NLRC3: variants seen among roughly 807,000 people sequenced by gnomAD.
NLRC3 encodes NLR family CARD domain-containing protein 3.
NLRC3 carries 87 observed loss-of-function variants against 91.6 expected under a neutral mutation model. The ratio of observed to expected loss-of-function variants is 0.95; its 90% CI spans 0.80 to 1.14. NLRC3 has a LOEUF of 1.14. Among genes scored for constraint, NLRC3 ranks in the 50% most tolerant of loss-of-function variants. The probability of loss-of-function intolerance (pLI) is 0.00; values close to 1 mark genes in which losing one functional copy is unlikely to be tolerated. For synonymous variants in NLRC3, 694 were observed against 625.3 expected (o/e 1.11, Z -1.64); for missense variants, 1,577 against 1,418.6 (o/e 1.11, Z -1.79).
At chr16:3,543,117 C>T (rs564491478) in intron 17 of NLRC3, 4 of 486,058 alleles carry the variant, frequency 8.2e-6, no homozygotes, top group South Asian at 4.7e-5. Context: ...CATGCCTGAG[C>T]CTCAGAGCTG....
chr16:3,541,838 G>A lies in NLRC3; in HGVS notation c.3185C>T (p.Thr1062Ile). ...CGTCCACCAGGATCACATTTCAACA[G>A]TGCACGTGGGAGCATTTGTCTTGAT... The part of the protein sequence containing the change: ...EAIKTNAPTC[T>I]VEM Residue 1062 changes from threonine (T) to isoleucine (I), a missense_variant, in exon 20 of 20, where the codon ACT (threonine) becomes ATT (isoleucine). Transcript: ENST00000359128. The A allele has an allele frequency of 6.2e-7, 1 of 1,609,170 alleles. No homozygotes were observed. Among genetic ancestry groups the A allele is most frequent in the Non-Finnish European group, 8.5e-7 (1 of 1,175,976 alleles).
At chr16:3,542,413 T>G (rs576356036) in intron 18 of NLRC3, 139 bp from the exon 19 acceptor site, 4 of 678,526 alleles carry the variant, frequency 5.9e-6, no homozygotes, top group African/African-American at 3.5e-5. Context: ...CAGGTGGGAG[T>G]TGACCCTGGA....
chr16:3,558,239 G>A (rs977762699), intron 6 of NLRC3, among the ~76,000 whole-genome samples: 2 of 152,130 alleles, frequency 1.3e-5, no homozygotes, highest in East Asian at 1.9e-4. Flanking sequence ...GGAGGCTGAG[G>A]AGGGAGGATT....
chr16:3,565,141 C>G (rs141152332), intron 3 of NLRC3, 81 bp from the exon 4 acceptor site: 5 of 1,082,388 alleles, frequency 4.6e-6, no homozygotes, highest in Non-Finnish European at 6.8e-6. Flanking sequence ...TCCCCAGGAA[C>G]GGGGTCAGGG....
Position 3,563,925 on chromosome 16 carries a change from C to T in NLRC3, c.1012G>A (p.Ala338Thr), listed in dbSNP as rs1435527129. The T allele has an allele frequency of 6.3e-6, 10 of 1,593,224 alleles. No homozygotes were observed. The Admixed American group carries it at 6.9e-5, about 11-fold the overall frequency. ...VPAFCRLTGMALGHLWRSRTG... is the reference protein window; with the variant it reads ...VPAFCRLTGMTLGHLWRSRTG... ...CTGCTGCGCCACAGGTGGCCTAGCG[C>T]CATCCCCGTGAGCCTGCAGAAGGCT... Residue 338 changes from alanine (A) to threonine (T), a missense_variant, in exon 5 of 20, where the codon GCG (alanine) becomes ACG (threonine). Ala to Thr is a moderately conservative substitution (Grantham distance 58). Coordinates refer to ENST00000359128, the MANE Select transcript of NLRC3 (RefSeq NM_178844.4).
At chr16:3,570,115 C>T (rs1380023973) in intron 1 of NLRC3, among the ~76,000 whole-genome samples, 10 of 152,118 alleles carry the variant, frequency 6.6e-5, no homozygotes, top group African/African-American at 2.4e-4. Flanking sequence ...CAATTCCTCA[C>T]TGACACCAGT....
rs1430532915 is a variant in NLRC3 at position 3,563,292 on chromosome 16, G to A, written c.1645C>T (p.Leu549Phe). 2 of 1,602,876 alleles carry A rather than the reference G, an allele frequency of 1.2e-6. No homozygotes were observed. The highest frequency in any genetic ancestry group is 1.3e-5 in the African/African-American group (1 of 74,816). Residue 549 changes from leucine to phenylalanine, a missense_variant, in exon 5 of 20, where the codon CTC becomes TTC. By Grantham distance (22) the Leu-to-Phe change is conservative. Transcript: ENST00000359128. Reference protein sequence around the residue: ...HQAYRTQVAELLQGCLRPDAA... With the variant: ...HQAYRTQVAEFLQGCLRPDAA... ...TCGGGGCGCAGGCAGCCCTGCAGGA[G>A]CTCAGCCACCTGGGTCCGGTAGGCC...
chr16:3,543,519 G>C lies in NLRC3; in HGVS notation c.2856-11C>G. ...GAGGCCACCTGGAGACTGGGGCGGA[G>C]AGGGTGCCGTCAGTGTGAGCCGGCT... On this transcript the variant is annotated splice_polypyrimidine_tract_variant and intron_variant, in intron 16 of 19. Transcript: ENST00000359128. The C allele has an allele frequency of 6.2e-7, 1 of 1,607,952 alleles. No individual in the cohort carries two copies. The highest frequency in any genetic ancestry group is 1.1e-5 in the South Asian group (1 of 90,560).
rs569963309 is a variant in NLRC3 at position 3,568,190 on chromosome 16, A to AT, written c.-168-867dup. ...ATAAAAGAAGCTTAGCAATAAGTAA[A>AT]TAGTAAAGTAAAAATAAGTAAAACA... On this transcript the variant is annotated intron_variant, in intron 1 of 19. Coordinates refer to ENST00000359128, the MANE Select transcript of NLRC3 (RefSeq NM_178844.4). Among the ~76,000 whole-genome samples the AT allele has an allele frequency of 1.7e-3, 259 of 152,302 alleles. 2 individuals carry two copies. Among genetic ancestry groups the AT allele is most frequent in the African/African-American group, 6.0e-3 (249 of 41,556 alleles).
At chr16:3,555,215 G>C (rs909981750) in intron 8 of NLRC3, among the ~76,000 whole-genome samples, 1 of 138,064 alleles carries the variant, frequency 7.2e-6, no homozygotes, top group Non-Finnish European at 1.5e-5. Context: ...GGGTGACAGA[G>C]TCAGACTCCG....
At position 3,550,461 on chromosome 16, in the gene NLRC3, C is replaced by T; in HGVS notation, c.2388G>A (p.Lys796=). The T allele has an allele frequency of 6.2e-7, 1 of 1,613,624 alleles. No homozygotes were observed. The highest frequency in any genetic ancestry group is 1.1e-5 in the South Asian group (1 of 91,080). The change falls in exon 11 of 20, where the codon AAG becomes AAA. Residue 796 remains lysine (K), a synonymous_variant. Transcript: ENST00000359128. ...TCACCTTCAGGGCCTCAGCCAGGGCCTTGGCACCTCCATCACCAATACTAT... is the reference window on the plus strand; with the variant it reads ...TCACCTTCAGGGCCTCAGCCAGGGCTTTGGCACCTCCATCACCAATACTAT... ...SSNSIGDGGA[K]ALAEALKVNQ...
intron 1 of NLRC3, among the ~76,000 whole-genome samples, chr16:3,569,511 G>A (rs2040022723): frequency 7.1e-6 from 1 of 139,986 alleles, no homozygotes. Context: ...TGATTCTCCT[G>A]CCTTAGCCTC....
At position 3,563,268 on chromosome 16, in the gene NLRC3, C is replaced by T. The variant is rs751267758; in HGVS notation, c.1669G>A (p.Asp557Asn). 9.3e-6 allele frequency: 15 copies of T among 1,605,476 alleles called. No individual in the cohort carries two copies. Among genetic ancestry groups the T allele is most frequent in the Middle Eastern group, 1.7e-4 (1 of 5,932 alleles). Residue 557 changes from aspartate to asparagine, a missense_variant, in exon 5 of 20, where the codon GAT becomes AAT. Transcript: ENST00000359128. ...ATGGCCCGTGCACAGACTGCGGCAT[C>T]GGGGCGCAGGCAGCCCTGCAGGAGC... is the stretch of plus-strand genomic sequence containing the variant. ...AELLQGCLRP[D>N]AAVCARAINV...
At chr16:3,543,657 T>G (rs1393472991) in intron 16 of NLRC3, 149 bp from the exon 17 acceptor site, 1 of 636,602 alleles carries the variant, frequency 1.6e-6, no homozygotes, top group Non-Finnish European at 2.9e-6. Context: ...AGGCACTCCA[T>G]CTCCTACCTA....
chr16:3,542,782 G>A lies in NLRC3; in HGVS notation c.2940-7C>T. On this transcript the variant is annotated splice_polypyrimidine_tract_variant and splice_region_variant and intron_variant, in intron 17 of 19. Transcript: ENST00000359128. The stretch of plus-strand genomic sequence containing the variant: ...AATGGCATTTCCTCTTAAGCTGTTG[G>A]GAAAGACAGGAAGCCTAAGGCATGG... 1 of 1,592,054 alleles carries A rather than the reference G, an allele frequency of 6.3e-7. No individual in the cohort carries two copies. Among genetic ancestry groups the A allele is most frequent in the Non-Finnish European group, 8.6e-7 (1 of 1,166,198 alleles).
At chr16:3,548,342 AC>A (rs1428652642) in intron 14 of NLRC3, 124 bp from the exon 15 acceptor site, 4 of 761,490 alleles carry the variant, frequency 5.3e-6, no homozygotes, top group Non-Finnish European at 8.8e-6. Flanking sequence ...AATTCCTGCA[AC>A]CCCTGCCCAG....
intron 5 of NLRC3, 100 bp downstream of exon 5, chr16:3,562,909 C>A (rs1208262664): frequency 9.2e-7 from 1 of 1,081,792 alleles, no homozygotes; most frequent in Non-Finnish European, 1.4e-6. Context: ...GTTACGGCAG[C>A]CCTAGGAGAC....
At chr16:3,573,570 C>G (rs1324426205) in intron 1 of NLRC3, among the ~76,000 whole-genome samples, 1 of 152,172 alleles carries the variant, frequency 6.6e-6, no homozygotes, top group Non-Finnish European at 1.5e-5. Flanking sequence ...GGGTGTGGCC[C>G]AGGTGGACAC....
Position 3,543,439 on chromosome 16 carries a change from G to T in NLRC3, c.2925C>A (p.Thr975=). The T allele has an allele frequency of 1.2e-6, 2 of 1,611,646 alleles. No homozygotes were observed. The highest frequency in any genetic ancestry group is 1.7e-6 in the Non-Finnish European group (2 of 1,178,430). Residue 975 remains threonine, a synonymous_variant, in exon 17 of 20, where the codon ACC becomes ACA. Transcript: ENST00000359128. ...GGAATACTTACTCGAGAATCTCCAA[G>T]GTTCTGTTCACAGCCAAGGCTTCCC... ...VLGEALAVNR[T]LEILDLRGNA...
Sources: allele counts gnomAD v4.1 joint callset (sites outside exome capture counted in the v4.1 genomes callset), GRCh38; gene constraint gnomAD v4.1.1; transcripts MANE v1.5; gene names NCBI Gene and HGNC (gene_info 2026-07-23, HGNC 2026-07-21).